CYTH3: variants seen among roughly 807,000 people sequenced by gnomAD.
CYTH3 encodes cytohesin 3.
In CYTH3, 23 loss-of-function variants were observed where a neutral mutation model predicts 55.1. The ratio of observed to expected loss-of-function variants is 0.42; its 90% CI spans 0.30 to 0.59. The LOEUF is 0.59. CYTH3 is among the 20% of genes least tolerant of loss of function. CYTH3 has a pLI of 0.20. For missense variants in CYTH3, 413 were observed against 524.8 expected, an observed-to-expected ratio of 0.79 and a Z score of 2.08; for synonymous variants, 249 against 194.9, an observed-to-expected ratio of 1.28 and a Z score of -2.31.
intron 1 of CYTH3, among the ~76,000 whole-genome samples, chr7:6,218,210 G>C (rs1013660109): frequency 5.3e-5 from 8 of 152,086 alleles, no homozygotes; most frequent in African/African-American, 1.9e-4. Context: ...CAATGGAGAT[G>C]ATTATCCTGG....
At chr7:6,219,287 T>G (rs1784494129) in intron 1 of CYTH3, among the ~76,000 whole-genome samples, 1 of 152,216 alleles carries the variant, frequency 6.6e-6, no homozygotes, top group Non-Finnish European at 1.5e-5. Flanking sequence ...TGAGGCATTT[T>G]CCAAGCAGAG....
At chr7:6,205,462 T>C (rs1784162162) in intron 1 of CYTH3, among the ~76,000 whole-genome samples, 1 of 151,630 alleles carries the variant, frequency 6.6e-6, no homozygotes, top group African/African-American at 2.4e-5. Context: ...TAATCCCAGC[T>C]ACTCGGGAGG....
At chr7:6,211,300 T>C (rs73675892) in intron 1 of CYTH3, among the ~76,000 whole-genome samples, 1 of 152,210 alleles carries the variant, frequency 6.6e-6, no homozygotes, top group South Asian at 2.1e-4. Flanking sequence ...GACATGGCTG[T>C]TGTATTTCTT....
chr7:6,168,997 A>T (rs1485581885), intron 9 of CYTH3, among the ~76,000 whole-genome samples: 2 of 152,156 alleles, frequency 1.3e-5, no homozygotes, highest in African/African-American at 4.8e-5. Context: ...GAACACTCGC[A>T]CAATGTGATT....
rs542624366 is a variant in CYTH3 at position 6,226,937 on chromosome 7, A to G, written c.35-36406T>C. ...CTACTAAAAATACAAAAAATTAGCC[A>G]GGCGTGGTGGCGGGCACCTGTAGTC... On this transcript the variant is annotated intron_variant, in intron 1 of 12. Transcript: ENST00000350796. Among the ~76,000 whole-genome samples the G allele has an allele frequency of 3.0e-4, 46 of 152,176 alleles. 1 individual carries two copies. In the South Asian group the frequency reaches 8.1e-3, roughly 27 times the overall value.
At position 6,165,358 on chromosome 7, in the gene CYTH3, C is replaced by T. The variant is rs772883077; in HGVS notation, c.1042G>A (p.Gly348Ser). The T allele has an allele frequency of 1.9e-6, 3 of 1,614,036 alleles. No homozygotes were observed. Among genetic ancestry groups the T allele is most frequent in the Non-Finnish European group, 2.5e-6 (3 of 1,180,034 alleles). ...ACATGGTTCCCCTCTACCACGCGGC[C>T]GTCGGCCTCAGTCTTACAGGCCTTG... ...VIKACKTEAD[G>S]RVVEGNHVVY... The change falls in exon 12 of 13, where the codon GGC (glycine) becomes AGC (serine). Residue 348 changes from glycine to serine, a missense_variant. By Grantham distance (56) the Gly-to-Ser change is moderately conservative. Transcript: ENST00000350796.
chr7:6,210,419 AAAG>A (rs772851173), intron 1 of CYTH3, among the ~76,000 whole-genome samples: 2 of 152,226 alleles, frequency 1.3e-5, no homozygotes, highest in Non-Finnish European at 2.9e-5. Context: ...ACAGAATATG[AAAG>A]AAGATTCCTT....
intron 1 of CYTH3, among the ~76,000 whole-genome samples, chr7:6,233,575 G>C (rs1409083133): frequency 6.7e-6 from 1 of 149,798 alleles, no homozygotes; most frequent in African/African-American, 2.5e-5. Context: ...AGAATCGCTT[G>C]AACCCAGGAG....
intron 1 of CYTH3, among the ~76,000 whole-genome samples, chr7:6,250,570 A>G (rs1779935867): frequency 6.6e-6 from 1 of 152,216 alleles, no homozygotes; most frequent in African/African-American, 2.4e-5. Flanking sequence ...AACATGGATG[A>G]ACCTGCTGAG....
rs951531126 is a variant in CYTH3 at position 6,169,914 on chromosome 7, C to A, written c.823+621G>T. 2.0e-5 allele frequency among the ~76,000 whole-genome samples: 3 copies of A among 152,196 alleles called. No homozygotes were observed. Among genetic ancestry groups the A allele is most frequent in the African/African-American group, 7.2e-5 (3 of 41,444 alleles). ...GTCCCAGCCACTCTCAGCCCCGCCC[C>A]TGGGGGTGGGTGTAGCATTCACCAC... On this transcript the variant is annotated intron_variant, in intron 9 of 12. Coordinates refer to ENST00000350796, the MANE Select transcript of CYTH3 (RefSeq NM_004227.4). The surrounding 1 kb of genome is among the most constrained non-coding windows in gnomAD (Gnocchi z 4.1).
Position 6,164,364 on chromosome 7 carries a change from G to A in CYTH3, c.*580C>T, listed in dbSNP as rs1782924205. The stretch of plus-strand genomic sequence containing the variant: ...TGCCATTCTAAAAATACTACTGTTA[G>A]AAAGTATCTTTTGTTATAATTTCAG... On this transcript the variant is annotated 3_prime_UTR_variant, in exon 13 of 13. Transcript: ENST00000350796. 1 of 153,194 alleles carries A rather than the reference G, an allele frequency of 6.5e-6. No individual in the cohort carries two copies. The highest frequency in any genetic ancestry group is 1.5e-5 in the Non-Finnish European group (1 of 68,432). The allele number at this position is 153,194 out of a possible 1,614,324, so 9.5% of individuals were successfully genotyped here.
At chr7:6,232,198 G>C (rs1372598706) in intron 1 of CYTH3, among the ~76,000 whole-genome samples, 1 of 152,030 alleles carries the variant, frequency 6.6e-6, no homozygotes, top group Non-Finnish European at 1.5e-5. Context: ...GCACAATTCT[G>C]GTTATTGAAA....
chr7:6,205,877 A>T, intron 1 of CYTH3, among the ~76,000 whole-genome samples: 1 of 105,778 alleles, frequency 9.5e-6, no homozygotes, highest in East Asian at 2.9e-4. Flanking sequence ...CTATCTCTTA[A>T]AAAAAAAAAA....
intron 5 of CYTH3, among the ~76,000 whole-genome samples, chr7:6,174,263 C>T (rs551445952): frequency 2.6e-4 from 39 of 151,996 alleles, no homozygotes; most frequent in Non-Finnish European, 4.6e-4. Flanking sequence ...TACAGGCATG[C>T]GCCACCATGC....
At chr7:6,214,130 GAAATGTCTAAAAAGTA>G (rs1329940521) in intron 1 of CYTH3, among the ~76,000 whole-genome samples, 3 of 152,068 alleles carry the variant, frequency 2.0e-5, no homozygotes, top group Admixed American at 6.6e-5. Context: ...CTCCAGCTCT[GAAATGTCTAAAAAGTA>G]AGATGGATGG....
At chr7:6,238,947 T>A (rs1004372322) in intron 1 of CYTH3, among the ~76,000 whole-genome samples, 1 of 151,952 alleles carries the variant, frequency 6.6e-6, no homozygotes, top group Non-Finnish European at 1.5e-5. Flanking sequence ...AGCACACTGG[T>A]TAGCACCTGT....
rs368253665 is a variant in CYTH3 at position 6,244,889 on chromosome 7, C to T, written c.34+27585G>A. ...CTGCAACCTCTGCCTCCCGGGTTCA[C>T]GCCATTCTCCTGCCTCAGCCTCCCG... is the stretch of plus-strand genomic sequence containing the variant. On this transcript the variant is annotated intron_variant, in intron 1 of 12. Coordinates refer to ENST00000350796, the MANE Select transcript of CYTH3 (RefSeq NM_004227.4). Among the ~76,000 whole-genome samples the T allele has an allele frequency of 1.5e-4, 22 of 146,858 alleles. 1 individual carries two copies. The East Asian group carries it at 2.2e-3, about 15-fold the overall frequency.
At chr7:6,234,655 TAGTG>T (rs945117915) in intron 1 of CYTH3, among the ~76,000 whole-genome samples, 16 of 152,204 alleles carry the variant, frequency 1.1e-4, no homozygotes, top group Admixed American at 5.2e-4. Context: ...CAGCTGTACT[TAGTG>T]AGTAAGAACT....
intron 1 of CYTH3, among the ~76,000 whole-genome samples, chr7:6,196,421 TTACGCA>T (rs1783929676): frequency 6.6e-6 from 1 of 151,806 alleles, no homozygotes; most frequent in Admixed American, 6.6e-5. Flanking sequence ...ACTATTACTC[TTACGCA>T]TCTGAGGGAG....
Sources: gnomAD v4.1 joint callset for allele counts (sites outside exome capture counted in the v4.1 genomes callset) on GRCh38, gnomAD v4.1.1 for gene constraint, Gnocchi (gnomAD v3.1) non-coding constraint, MANE v1.5 for transcripts, NCBI Gene and HGNC (gene_info 2026-07-23, HGNC 2026-07-21) for gene names.